The following UGGT1 variants were observed in gnomAD, a reference collection of about 807,000 sequenced individuals.
UGGT1 encodes UDP-glucose glycoprotein glucosyltransferase 1.
In UGGT1, 107 loss-of-function variants were observed where a neutral mutation model predicts 203.9. That is an observed-to-expected ratio of 0.52 (90% CI 0.45 to 0.62). The LOEUF (loss-of-function observed/expected upper bound fraction) is 0.62. UGGT1 is among the 20% of genes least tolerant of loss of function. The pLI is 0.00. For synonymous variants in UGGT1, 628 were observed against 653.5 expected (o/e 0.96, Z 0.59); for missense variants, 1,673 against 1,867.2 (o/e 0.90, Z 1.92).
chr2:128,109,044 A>G (rs929752694), intron 4 of UGGT1, among the ~76,000 whole-genome samples: 14 of 151,532 alleles, frequency 9.2e-5, no homozygotes, highest in South Asian at 2.1e-4. Context: ...GTAGCCTGCT[A>G]CCACACCCAG....
At chr2:128,145,453 G>A (rs193036597) in intron 17 of UGGT1, among the ~76,000 whole-genome samples, 2 of 151,968 alleles carry the variant, frequency 1.3e-5, no homozygotes, top group African/African-American at 2.4e-5. Flanking sequence ...AGTGCTGACC[G>A]TAGAATATGT....
intron 11 of UGGT1, among the ~76,000 whole-genome samples, chr2:128,123,551 A>G (rs1688476722): frequency 1.3e-5 from 2 of 152,182 alleles, no homozygotes; most frequent in Admixed American, 1.3e-4. Context: ...CCAGAATTCT[A>G]GCTTACATTG....
Position 128,173,809 on chromosome 2 carries a change from A to C in UGGT1, c.3323A>C (p.Glu1108Ala). The part of the protein sequence containing the change: ...EVDSVVAAEY[E>A]LEYLLLEGHC... ...GACAGTGTAGTGGCTGCTGAGTATG[A>C]GCTGGAATACCTGTTACTGGAAGGT... The change falls in exon 30 of 41, where the codon GAG becomes GCG. Residue 1108 changes from glutamate (E) to alanine (A), a missense_variant. Around this residue, in one of 4 missense-constraint regions of UGGT1, gnomAD observed 513 missense variants for 684.1 expected, o/e 0.75. Transcript: ENST00000259253. 2 of 1,614,148 alleles carry C rather than the reference A, an allele frequency of 1.2e-6. No individual in the cohort carries two copies. The highest frequency in any genetic ancestry group is 1.7e-6 in the Non-Finnish European group (2 of 1,180,014).
intron 5 of UGGT1, among the ~76,000 whole-genome samples, chr2:128,112,588 T>A (rs977167770): frequency 4.1e-3 from 14 of 3,390 alleles, no homozygotes; most frequent in Admixed American, 0.018. Context: ...ATTTTATTCG[T>A]TTTTTTTTTT....
At chr2:128,109,483 A>T (rs1373756213) in intron 4 of UGGT1, 151 bp from the exon 5 acceptor site, 1 of 643,640 alleles carries the variant, frequency 1.6e-6, no homozygotes, top group Admixed American at 2.6e-5. Context: ...TGGTCTCCCA[A>T]AGTGCTGGGA....
intron 26 of UGGT1, among the ~76,000 whole-genome samples, chr2:128,169,787 T>C (rs999064985): frequency 3.3e-5 from 5 of 152,260 alleles, no homozygotes; most frequent in Non-Finnish European, 7.3e-5. Flanking sequence ...TTGAAATTGC[T>C]AATCTGTATC....
At chr2:128,185,200 T>TC (rs1491274769) in intron 38 of UGGT1, among the ~76,000 whole-genome samples, 45 of 105,524 alleles carry the variant, frequency 4.3e-4, no homozygotes, top group Non-Finnish European at 9.0e-4. Context: ...TGTTTCTCTC[T>TC]TTTTTTTTTT....
intron 9 of UGGT1, among the ~76,000 whole-genome samples, 161 bp from the exon 10 acceptor site, chr2:128,121,038 G>T (rs1399161344): frequency 6.6e-6 from 1 of 152,170 alleles, no homozygotes; most frequent in Admixed American, 6.5e-5. Context: ...TCTTTGAAGT[G>T]AATAAAACCT....
rs747473698 is a variant in UGGT1 at position 128,181,086 on chromosome 2, G to A, written c.4083+14G>A. The stretch of plus-strand genomic sequence containing the variant: ...GATGCTGATCAGGTAGGCCCTTAAA[G>A]GCCAAGTTTTGACAGTTTGTATTAA... On this transcript the variant is annotated intron_variant, in intron 36 of 40. Coordinates refer to ENST00000259253, the MANE Select transcript of UGGT1 (RefSeq NM_020120.4). 143 of 1,601,702 alleles carry A rather than the reference G, an allele frequency of 8.9e-5. 3 individuals carry two copies. In the South Asian group the frequency reaches 1.5e-3, roughly 17 times the overall value.
Position 128,191,474 on chromosome 2 carries a change from A to G in UGGT1, c.*1732A>G, listed in dbSNP as rs1692263677. The G allele has an allele frequency of 6.6e-6, 1 of 151,352 alleles. No individual in the cohort carries two copies. The highest frequency in any genetic ancestry group is 1.5e-5 in the Non-Finnish European group (1 of 67,934). 9.4% of individuals were successfully genotyped at this position (151,352 alleles called of 1,614,324 possible). ...TAAGAGACTGAAAAGGCACCTCAGA[A>G]TGGCTGCTGTGGGCAGAGTCTGTGA... On this transcript the variant is annotated 3_prime_UTR_variant, in exon 41 of 41. Transcript: ENST00000259253.
intron 7 of UGGT1, 64 bp downstream of exon 7, chr2:128,115,284 C>T: frequency 1.4e-6 from 2 of 1,422,410 alleles, no homozygotes; most frequent in East Asian, 4.7e-5. Context: ...GAGTTTGTTT[C>T]CATATGAAAA....
rs1257876475 is a variant in UGGT1 at position 128,143,117 on chromosome 2, A to G, written c.1743A>G (p.Gly581=). The G allele has an allele frequency of 2.5e-6, 4 of 1,610,344 alleles. No homozygotes were observed. ...LTHIYNKVRT[G]EKVKVEHVVS... Reference sequence around the variant, plus strand: ...AGATCTATAACAAGGTGAGGACTGGAGAAAAAGTGAAAGTTGAACATGTGG... The same window carrying G: ...AGATCTATAACAAGGTGAGGACTGGGGAAAAAGTGAAAGTTGAACATGTGG... The change falls in exon 17 of 41, where the codon GGA becomes GGG. Residue 581 remains glycine (G), a synonymous_variant. Transcript: ENST00000259253.
chr2:128,144,017 AG>A (rs1400513984), intron 17 of UGGT1, among the ~76,000 whole-genome samples: 1 of 152,202 alleles, frequency 6.6e-6, no homozygotes, highest in Non-Finnish European at 1.5e-5. Flanking sequence ...TATTTTAAAA[AG>A]TAGGCAATGC....
intron 29 of UGGT1, 77 bp from the exon 30 acceptor site, chr2:128,173,704 T>C: frequency 6.6e-7 from 1 of 1,518,136 alleles, no homozygotes; most frequent in Non-Finnish European, 9.0e-7. Flanking sequence ...GTCTGCTTCC[T>C]TTACTTTGCA....
At chr2:128,137,232 A>T (rs568299571) in intron 15 of UGGT1, among the ~76,000 whole-genome samples, 1 of 152,294 alleles carries the variant, frequency 6.6e-6, no homozygotes, top group South Asian at 2.1e-4. Context: ...CATGGGCAAC[A>T]TGAGAAGACC....
At chr2:128,098,879 T>C (rs1315110506) in intron 2 of UGGT1, among the ~76,000 whole-genome samples, 4 of 152,134 alleles carry the variant, frequency 2.6e-5, no homozygotes, top group African/African-American at 9.7e-5. Context: ...AAGTGTGCTT[T>C]TTAGCTAGTG....
chr2:128,164,387 CTAAT>C (rs1239994678), intron 25 of UGGT1, among the ~76,000 whole-genome samples: 2 of 152,072 alleles, frequency 1.3e-5, no homozygotes, highest in African/African-American at 4.8e-5. Context: ...AATTATTACT[CTAAT>C]AGTCATAAAA....
In UGGT1 at chr2:128,173,699, C is replaced by T; in HGVS notation, c.3295-82C>T. ...ATATTATGTAAGTCCTTTTTGTCTG[C>T]TTCCTTTACTTTGCATAATGCATTT... On this transcript the variant is annotated intron_variant, in intron 29 of 40. Coordinates refer to ENST00000259253, the MANE Select transcript of UGGT1 (RefSeq NM_020120.4). 9 of 1,478,116 alleles carry T rather than the reference C, an allele frequency of 6.1e-6. No homozygotes were observed. In the Admixed American group the frequency reaches 1.2e-4, roughly 20 times the overall value. 91.6% of individuals were successfully genotyped at this position (1,478,116 alleles called of 1,614,324 possible). A position where few individuals can be genotyped will look rare whatever the true frequency, so the allele number is the denominator to read the frequency against.
chr2:128,103,204 TAGTATTATGGCTC>T, intron 2 of UGGT1: 1 of 445,606 alleles, frequency 2.2e-6, no homozygotes, highest in Non-Finnish European at 4.6e-6. Flanking sequence ...ACCACTGCAT[TAGTATTATGGCTC>T]AGAGGAGAAG....
Sources: gnomAD v4.1 joint callset for allele counts (sites outside exome capture counted in the v4.1 genomes callset) on GRCh38, gnomAD v4.1.1 for gene constraint, gnomAD v4.1.1 regional missense constraint, MANE v1.5 for transcripts, NCBI Gene and HGNC (gene_info 2026-07-23, HGNC 2026-07-21) for gene names.